The following WAC variants were observed in gnomAD, a reference collection of about 807,000 sequenced individuals.
The protein encoded by WAC is WW domain containing adaptor with coiled-coil, also known as WW domain-containing adapter protein with coiled-coil.
A neutral mutation model predicts 79.6 loss-of-function variants in WAC; 11 were observed. The ratio of observed to expected loss-of-function variants is 0.14; its 90% CI spans 0.09 to 0.23. WAC has a LOEUF of 0.23. Among genes scored for constraint, WAC ranks in the 10% least tolerant of loss-of-function variants. The probability of loss-of-function intolerance (pLI) is 1.00; values close to 1 mark genes in which losing one functional copy is unlikely to be tolerated. For missense variants in WAC, 728 were observed against 773.5 expected, an observed-to-expected ratio of 0.94 and a Z score of 0.70; for synonymous variants, 304 against 276.9, an observed-to-expected ratio of 1.10 and a Z score of -0.97.
intron 10 of WAC, among the ~76,000 whole-genome samples, chr10:28,612,625 A>C (rs894155760): frequency 6.6e-6 from 1 of 152,224 alleles, no homozygotes; most frequent in Non-Finnish European, 1.5e-5. Flanking sequence ...GATATTAAGC[A>C]GAAGCCCAAA....
chr10:28,538,038 T>A (rs1382372583), intron 3 of WAC, among the ~76,000 whole-genome samples: 2 of 152,188 alleles, frequency 1.3e-5, no homozygotes, highest in Non-Finnish European at 2.9e-5. Context: ...GCCATATTCC[T>A]TTATATTATA....
chr10:28,576,828 A>G (rs1431921306), intron 3 of WAC, among the ~76,000 whole-genome samples: 1 of 152,218 alleles, frequency 6.6e-6, no homozygotes, highest in Non-Finnish European at 1.5e-5. Flanking sequence ...AGTAGCCAAC[A>G]TCTGGAATTT....
rs563963215 is a variant in WAC at position 28,564,647 on chromosome 10, A to G, written c.275-18752A>G. ...AAACCTCACCTGTTTATATTTAGCT[A>G]GTTTTTTAGGGGAAGAAAAATCTAT... On this transcript the variant is annotated intron_variant, in intron 3 of 13. Transcript: ENST00000354911. Among the ~76,000 whole-genome samples, 6 of 152,318 alleles carry G rather than the reference A, an allele frequency of 3.9e-5. 1 individual carries two copies. In the Middle Eastern group the frequency reaches 0.017, roughly 435 times the overall value.
rs2132894314 is a variant in WAC, at chr10:28,621,265, T to C, written c.*1659T>C. 1 of 141,960 alleles carries C rather than the reference T, an allele frequency of 7.0e-6. No individual in the cohort carries two copies. The highest frequency in any genetic ancestry group is 2.2e-4 in the East Asian group (1 of 4,646). The allele number at this position is 141,960 out of a possible 1,614,324, so 8.8% of individuals were successfully genotyped here. ...TGGGGCAGATAAGTGCTTCCAAAAC[T>C]GGCAGCACCAAGGGCTTATTTTTTA... is the stretch of plus-strand genomic sequence containing the variant. On this transcript the variant is annotated 3_prime_UTR_variant, in exon 14 of 14. Coordinates refer to ENST00000354911, the MANE Select transcript of WAC (RefSeq NM_016628.5).
Position 28,535,576 on chromosome 10 carries a change from A to T in WAC, c.93A>T (p.Ser31=), listed in dbSNP as rs764985111. 2 of 1,610,678 alleles carry T rather than the reference A, an allele frequency of 1.2e-6. No homozygotes were observed. The highest frequency in any genetic ancestry group is 1.7e-6 in the Non-Finnish European group (2 of 1,178,294). ...DSQPYQALKY[S]SKSHPSSGDH... ...ATGTTTTACAGGCACTTAAGTATTC[A>T]TCGAAGAGTCACCCCAGTAGCGGTG... The change falls in exon 3 of 14, where the codon TCA becomes TCT. Residue 31 remains serine, a synonymous_variant. Transcript: ENST00000354911.
chr10:28,590,607 A>T, intron 5 of WAC, 113 bp from the exon 6 acceptor site: 2 of 812,062 alleles, frequency 2.5e-6, no homozygotes, highest in South Asian at 1.8e-5. Context: ...GACCATGTTC[A>T]CTCCTTTTGT....
At chr10:28,591,013 C>T (rs1252733301) in intron 6 of WAC, 181 bp downstream of exon 6, 17 of 578,302 alleles carry the variant, frequency 2.9e-5, no homozygotes, top group Non-Finnish European at 4.3e-5. Context: ...AAAAGATACA[C>T]GGTCGAGTAG....
intron 3 of WAC, among the ~76,000 whole-genome samples, chr10:28,566,593 C>T (rs1327737249): frequency 6.6e-6 from 1 of 152,130 alleles, no homozygotes; most frequent in Non-Finnish European, 1.5e-5. Context: ...GAATGTCTTC[C>T]TATTGCTTTT....
chr10:28,616,296 A>G lies in WAC; in HGVS notation c.1680A>G (p.Ala560=). ...CGTGTTCATTAACGCCTGCACTAGC[A>G]GCACACTTCAGTGAAAATCTCATAA... is the stretch of plus-strand genomic sequence containing the variant. ...RSTCSLTPAL[A]AHFSENLIKH... The change falls in exon 12 of 14, where the codon GCA becomes GCG. Residue 560 remains alanine (A), a synonymous_variant. Coordinates refer to ENST00000354911, the MANE Select transcript of WAC (RefSeq NM_016628.5). 6.2e-7 allele frequency: 1 copy of G among 1,613,988 alleles called. No individual in the cohort carries two copies. The highest frequency in any genetic ancestry group is 1.3e-5 in the African/African-American group (1 of 75,060).
intron 3 of WAC, among the ~76,000 whole-genome samples, chr10:28,551,544 T>A (rs1837668326): frequency 1.3e-5 from 2 of 152,224 alleles, no homozygotes. Flanking sequence ...AGATCAGTCT[T>A]GGTTTCTCTT....
At chr10:28,551,874 G>C (rs980315201) in intron 3 of WAC, among the ~76,000 whole-genome samples, 1 of 148,448 alleles carries the variant, frequency 6.7e-6, no homozygotes, top group Non-Finnish European at 1.5e-5. Context: ...GCCTAGGCTG[G>C]AGTGCAGTGG....
intron 3 of WAC, among the ~76,000 whole-genome samples, chr10:28,551,581 A>G (rs1481744796): frequency 6.6e-6 from 1 of 152,192 alleles, no homozygotes; most frequent in Non-Finnish European, 1.5e-5. Flanking sequence ...TTTATCTGAA[A>G]CAATATAAAC....
chr10:28,564,669 C>A (rs1838498002), intron 3 of WAC, among the ~76,000 whole-genome samples: 1 of 152,142 alleles, frequency 6.6e-6, no homozygotes, highest in South Asian at 2.1e-4. Flanking sequence ...GAAGAAAAAT[C>A]TATTTTGAGA....
chr10:28,557,842 A>AG (rs1356777985), intron 3 of WAC, among the ~76,000 whole-genome samples: 1 of 152,138 alleles, frequency 6.6e-6, no homozygotes, highest in East Asian at 1.9e-4. Flanking sequence ...TCAGAGGCCG[A>AG]GGTGGGTGGA....
chr10:28,544,801 C>A (rs1429552942), intron 3 of WAC, among the ~76,000 whole-genome samples: 1 of 151,992 alleles, frequency 6.6e-6, no homozygotes, highest in Non-Finnish European at 1.5e-5. Context: ...CGGTGGCTCA[C>A]GCCTGTAATG....
At position 28,610,730 on chromosome 10, in the gene WAC, G is replaced by A. The variant is rs1392632201; in HGVS notation, c.1197G>A (p.Leu399=). ...CAGCAGCTGTGACACAAGCCTCACT[G>A]CAGTCTATAATTCATAAGTTTCTTA... ...VLTAAVTQAS[L]QSIIHKFLTA... Residue 399 remains leucine, a synonymous_variant, in exon 9 of 14, where the codon CTG becomes CTA. Coordinates refer to ENST00000354911, the MANE Select transcript of WAC (RefSeq NM_016628.5). 3 of 1,611,008 alleles carry A rather than the reference G, an allele frequency of 1.9e-6. No individual in the cohort carries two copies. The Admixed American group carries it at 5.0e-5, about 27-fold the overall frequency.
At chr10:28,561,651 C>T (rs374420523) in intron 3 of WAC, among the ~76,000 whole-genome samples, 27 of 152,208 alleles carry the variant, frequency 1.8e-4, no homozygotes, top group South Asian at 4.1e-4. Flanking sequence ...GAAACCCCGG[C>T]GTCTTTAACC....
chr10:28,569,218 G>A (rs1249382346), intron 3 of WAC, among the ~76,000 whole-genome samples: 1 of 152,142 alleles, frequency 6.6e-6, no homozygotes, highest in Non-Finnish European at 1.5e-5. Context: ...TAGAAAATCA[G>A]ATAAAATAGT....
chr10:28,604,247 T>A (rs868470851), intron 7 of WAC, among the ~76,000 whole-genome samples: 1 of 151,322 alleles, frequency 6.6e-6, no homozygotes. Flanking sequence ...TGTTTTTTTT[T>A]TTTTTATTGT....
Sources: gnomAD v4.1 joint callset for allele counts (sites outside exome capture counted in the v4.1 genomes callset) on GRCh38, gnomAD v4.1.1 for gene constraint, MANE v1.5 for transcripts, NCBI Gene and HGNC (gene_info 2026-07-23, HGNC 2026-07-21) for gene names.